LRBA: variants seen among roughly 807,000 people sequenced by gnomAD.
LRBA encodes the protein LPS responsive beige-like anchor protein, also known as lipopolysaccharide-responsive and beige-like anchor protein.
A neutral mutation model predicts 330.0 loss-of-function variants in LRBA; 176 were observed. The ratio of observed to expected loss-of-function variants is 0.53; its 90% CI spans 0.47 to 0.60. The LOEUF (loss-of-function observed/expected upper bound fraction) is 0.60. Ranked by LOEUF, LRBA falls within the 20% of genes least tolerant of loss-of-function variation. The pLI is 0.00. For missense variants in LRBA, 3,259 were observed against 3,444.8 expected, an observed-to-expected ratio of 0.95 and a Z score of 1.35; for synonymous variants, 1,230 against 1,193.0, an observed-to-expected ratio of 1.03 and a Z score of -0.64.
intron 36 of LRBA, among the ~76,000 whole-genome samples, chr4:150,688,496 C>T (rs1278362286): frequency 6.6e-6 from 1 of 152,096 alleles, no homozygotes; most frequent in East Asian, 1.9e-4. Flanking sequence ...GCAAAAGAAA[C>T]TATCATCAGG....
At chr4:150,349,325 G>C (rs912543954) in intron 48 of LRBA, among the ~76,000 whole-genome samples, 6 of 152,034 alleles carry the variant, frequency 3.9e-5, no homozygotes, top group Non-Finnish European at 2.9e-5. Flanking sequence ...TTCTAAAATT[G>C]TACAGATTAA....
rs185178049 is a variant in LRBA, at chr4:150,537,497, T to C, written c.6331-46462A>G. 7.2e-5 allele frequency among the ~76,000 whole-genome samples: 11 copies of C among 152,220 alleles called. No individual in the cohort carries two copies. The East Asian group carries it at 2.1e-3, about 29-fold the overall frequency. Reference sequence around the variant, plus strand: ...AATGACAATTGAGATCTAATTAAAATAAAGAGCTTCTGCACACCAAAAGAA... The same window carrying C: ...AATGACAATTGAGATCTAATTAAAACAAAGAGCTTCTGCACACCAAAAGAA... On this transcript the variant is annotated intron_variant, in intron 40 of 56. Coordinates refer to ENST00000651943, the MANE Select transcript of LRBA (RefSeq NM_001364905.1).
chr4:150,430,857 T>C (rs1315054733), intron 46 of LRBA, among the ~76,000 whole-genome samples: 1 of 152,128 alleles, frequency 6.6e-6, no homozygotes, highest in Non-Finnish European at 1.5e-5. Context: ...TATGTTCTAG[T>C]ACCAAGTAGT....
intron 29 of LRBA, 49 bp downstream of exon 29, chr4:150,831,768 T>A: frequency 7.1e-7 from 1 of 1,411,236 alleles, no homozygotes; most frequent in East Asian, 2.5e-5. Context: ...CAAAAGTAAG[T>A]AACATTTATT....
intron 2 of LRBA, among the ~76,000 whole-genome samples, chr4:150,975,760 T>C (rs1337106485): frequency 6.6e-6 from 1 of 151,808 alleles, no homozygotes; most frequent in Non-Finnish European, 1.5e-5. Context: ...ATATAAATTA[T>C]TTAACCTGAA....
chr4:150,909,377 T>C (rs1731715305), intron 9 of LRBA, among the ~76,000 whole-genome samples: 1 of 152,184 alleles, frequency 6.6e-6, no homozygotes, highest in Non-Finnish European at 1.5e-5. Context: ...CATACAGTAT[T>C]TGTCTTTTTG....
chr4:150,609,139 ATATC>A (rs1315447169), intron 37 of LRBA, among the ~76,000 whole-genome samples: 3 of 152,164 alleles, frequency 2.0e-5, no homozygotes, highest in Non-Finnish European at 4.4e-5. Flanking sequence ...TTTTGTTCAG[ATATC>A]TATCACTTTT....
At chr4:150,381,910 C>G (rs1581164086) in intron 47 of LRBA, among the ~76,000 whole-genome samples, 1 of 152,192 alleles carries the variant, frequency 6.6e-6, no homozygotes, top group African/African-American at 2.4e-5. Flanking sequence ...TCCATGACTA[C>G]TAATGTTAAC....
At chr4:150,564,368 C>T (rs770048895) in intron 40 of LRBA, among the ~76,000 whole-genome samples, 12 of 152,112 alleles carry the variant, frequency 7.9e-5, no homozygotes, top group Non-Finnish European at 1.5e-4. Flanking sequence ...CTTCCTTATC[C>T]CTCATACAAA....
rs186888160 is a variant in LRBA, at chr4:150,882,161, T to C, written c.2166-9406A>G. Among the ~76,000 whole-genome samples the C allele has an allele frequency of 1.1e-3, 162 of 152,314 alleles. 5 individuals carry two copies. In the East Asian group the frequency reaches 0.026, roughly 24 times the overall value. On this transcript the variant is annotated intron_variant, in intron 17 of 56. Coordinates refer to ENST00000651943, the MANE Select transcript of LRBA (RefSeq NM_001364905.1). ...TGTCTATGTACTTTCAAATAATGTT[T>C]TATTAGGATTAATAACACAAGAAGA...
At chr4:150,694,611 A>G (rs938465966) in intron 36 of LRBA, among the ~76,000 whole-genome samples, 1 of 152,196 alleles carries the variant, frequency 6.6e-6, no homozygotes, top group Non-Finnish European at 1.5e-5. Flanking sequence ...TTCCTCTGTC[A>G]TGCAACGACT....
At chr4:150,451,872 T>G (rs879814582) in intron 44 of LRBA, among the ~76,000 whole-genome samples, 12 of 152,064 alleles carry the variant, frequency 7.9e-5, no homozygotes, top group African/African-American at 2.9e-4. Context: ...CCAAAACTCA[T>G]TAACAAAAAG....
chr4:150,825,338 T>C (rs1161846196), intron 30 of LRBA, among the ~76,000 whole-genome samples: 1 of 152,144 alleles, frequency 6.6e-6, no homozygotes, highest in East Asian at 1.9e-4. Flanking sequence ...TGTGTGACAC[T>C]AGTCATCTCA....
chr4:150,732,943 G>A (rs955166637), intron 36 of LRBA, among the ~76,000 whole-genome samples: 2 of 152,010 alleles, frequency 1.3e-5, no homozygotes, highest in Non-Finnish European at 2.9e-5. Flanking sequence ...TTAATTTCTG[G>A]AGAGGCAAGT....
chr4:150,770,540 G>T, intron 34 of LRBA, among the ~76,000 whole-genome samples: 1 of 147,964 alleles, frequency 6.8e-6, no homozygotes, highest in African/African-American at 2.5e-5. Context: ...GCATGGTGAG[G>T]GATTAAAAGA....
intron 37 of LRBA, among the ~76,000 whole-genome samples, chr4:150,672,364 TA>T (rs1782140976): frequency 6.6e-6 from 1 of 151,834 alleles, no homozygotes; most frequent in South Asian, 2.1e-4. Flanking sequence ...TTTTTTTTTT[TA>T]GAAGATACTC....
At chr4:150,612,019 C>T (rs1775321780) in intron 37 of LRBA, among the ~76,000 whole-genome samples, 1 of 152,178 alleles carries the variant, frequency 6.6e-6, no homozygotes, top group African/African-American at 2.4e-5. Flanking sequence ...CCTCCCACCT[C>T]AGCCTCCTGA....
At chr4:150,541,137 T>C (rs543299388) in intron 40 of LRBA, among the ~76,000 whole-genome samples, 19 of 152,292 alleles carry the variant, frequency 1.2e-4, no homozygotes, top group Middle Eastern at 3.4e-3. Flanking sequence ...GCTCAAATAG[T>C]ATAAAGGCTC....
At chr4:150,317,497 T>A (rs551069589) in intron 50 of LRBA, among the ~76,000 whole-genome samples, 22 of 151,968 alleles carry the variant, frequency 1.4e-4, no homozygotes, top group Non-Finnish European at 2.5e-4. Flanking sequence ...ACGGCTCTTT[T>A]AAAAAAAACC....
Sources: allele counts gnomAD v4.1 joint callset (sites outside exome capture counted in the v4.1 genomes callset), GRCh38; gene constraint gnomAD v4.1.1; transcripts MANE v1.5; gene names NCBI Gene and HGNC (gene_info 2026-07-23, HGNC 2026-07-21).